PRKAG2: variants seen among roughly 807,000 people sequenced by gnomAD.
PRKAG2 encodes the protein protein kinase AMP-activated non-catalytic subunit gamma 2.
PRKAG2 carries 26 observed loss-of-function variants against 69.6 expected under a neutral mutation model. That is an observed-to-expected ratio of 0.37 (90% CI 0.27 to 0.52). PRKAG2 has a LOEUF of 0.52. PRKAG2 is among the 20% of genes least tolerant of loss of function. PRKAG2 has a pLI of 0.90. For missense variants in PRKAG2, 557 were observed against 740.0 expected (o/e 0.75, Z 2.87); for synonymous variants, 293 against 285.0 (o/e 1.03, Z -0.28).
intron 1 of PRKAG2, among the ~76,000 whole-genome samples, chr7:151,873,349 C>T (rs1032573800): frequency 2.0e-5 from 3 of 152,220 alleles, no homozygotes; most frequent in African/African-American, 7.2e-5. Context: ...ATCGCTCCTT[C>T]TGCCTCTAGA....
rs868517211 is a variant in PRKAG2, at chr7:151,855,127, C to G, written c.114+21380G>C. ...ACACACCACCCTACACACACACCAT[C>G]CTCCACACACACCACCCTACACACA... On this transcript the variant is annotated intron_variant, in intron 1 of 15. Transcript: ENST00000287878. 1.9e-3 allele frequency among the ~76,000 whole-genome samples: 86 copies of G among 46,042 alleles called. 11 individuals carry two copies. The highest frequency in any genetic ancestry group is 7.6e-3 in the African/African-American group (47 of 6,158). 30.2% of individuals were successfully genotyped at this position (46,042 alleles called of 152,430 possible).
intron 1 of PRKAG2, among the ~76,000 whole-genome samples, chr7:151,853,684 C>T (rs1191850348): frequency 2.0e-5 from 3 of 150,412 alleles, no homozygotes; most frequent in South Asian, 2.1e-4. Context: ...GGCGTGAACC[C>T]GGGAGGTGGA....
chr7:151,706,924 C>T (rs1425710356), intron 3 of PRKAG2, among the ~76,000 whole-genome samples: 2 of 152,246 alleles, frequency 1.3e-5, no homozygotes, highest in Non-Finnish European at 2.9e-5. Context: ...CCAGAGGCGT[C>T]TACCATGAGG....
intron 1 of PRKAG2, among the ~76,000 whole-genome samples, chr7:151,822,243 C>T (rs2078802212): frequency 6.6e-6 from 1 of 152,142 alleles, no homozygotes; most frequent in African/African-American, 2.4e-5. Flanking sequence ...TGCCACCGCC[C>T]TAGGAGGCCT....
At chr7:151,659,867 CTG>C (rs1307899592) in intron 4 of PRKAG2, among the ~76,000 whole-genome samples, 1 of 152,226 alleles carries the variant, frequency 6.6e-6, no homozygotes, top group Non-Finnish European at 1.5e-5. Flanking sequence ...TTCCCACTAG[CTG>C]TGTCTGAACA....
At chr7:151,649,199 C>A (rs1828058807) in intron 4 of PRKAG2, among the ~76,000 whole-genome samples, 1 of 152,070 alleles carries the variant, frequency 6.6e-6, no homozygotes. Context: ...GATCTTGGCT[C>A]ACTGCAACCT....
intron 3 of PRKAG2, among the ~76,000 whole-genome samples, chr7:151,700,321 G>T (rs2151564618): frequency 6.6e-6 from 1 of 152,250 alleles, no homozygotes; most frequent in East Asian, 1.9e-4. Flanking sequence ...TGGCTCCTTG[G>T]AGTATGGTCT....
chr7:151,567,785 A>T lies in PRKAG2; in HGVS notation c.1233+931T>A, dbSNP rs1349878971. On this transcript the variant is annotated intron_variant, in intron 11 of 15. Transcript: ENST00000287878. This position sits in a 1 kb window ranked among gnomAD's most constrained non-coding sequence, Gnocchi z 4.2. ...GTTGATTGACAAGGTATTTCTCTCC[A>T]TCACTAAGCCCTCTGTGCTTCTGTC... Among the ~76,000 whole-genome samples the T allele has an allele frequency of 1.3e-5, 2 of 152,176 alleles. No homozygotes were observed. Among genetic ancestry groups the T allele is most frequent in the Non-Finnish European group, 2.9e-5 (2 of 68,032 alleles).
intron 5 of PRKAG2, 129 bp downstream of exon 5, chr7:151,631,940 T>C (rs1403997588): frequency 1.0e-6 from 1 of 976,664 alleles, no homozygotes; most frequent in Non-Finnish European, 1.3e-6. Flanking sequence ...CCCCGGCCCC[T>C]GGGCTTCCGC....
At position 151,573,257 on chromosome 7, in the gene PRKAG2, A is replaced by C. The variant is rs140199354; in HGVS notation, c.1006-548T>G. Among the ~76,000 whole-genome samples the C allele has an allele frequency of 4.7e-3, 707 of 151,226 alleles. 3 individuals are homozygous for C. Among genetic ancestry groups the C allele is most frequent in the Middle Eastern group, 0.024 (7 of 292 alleles). On this transcript the variant is annotated intron_variant, in intron 8 of 15. Transcript: ENST00000287878. ...ACTGCAGCCTCAACCTCCCAGGCTT[A>C]AGTAATCCTCTCAACTCAGCCTCTG...
At chr7:151,782,380 AGAAGGAAGGAAGGAAG>A (rs878861161) in intron 2 of PRKAG2, among the ~76,000 whole-genome samples, 2 of 61,736 alleles carry the variant, frequency 3.2e-5, no homozygotes, top group African/African-American at 6.9e-5. Flanking sequence ...AGGGAAGGAA[AGAAGGAAGGAAGGAAG>A]GAAGGAAGGA....
intron 1 of PRKAG2, among the ~76,000 whole-genome samples, chr7:151,826,338 G>A (rs1486465479): frequency 1.3e-5 from 2 of 152,024 alleles, no homozygotes; most frequent in South Asian, 2.1e-4. Flanking sequence ...CGACCACCAC[G>A]CCTGGCTAAT....
chr7:151,675,668 G>A (rs762730899), intron 3 of PRKAG2, 31 bp from the exon 4 acceptor site: 1 of 1,581,838 alleles, frequency 6.3e-7, no homozygotes, highest in Non-Finnish European at 8.7e-7. Flanking sequence ...ACGGTCAGAG[G>A]TCCGGCTTCC....
rs569778767 is a variant in PRKAG2 at position 151,728,740 on chromosome 7, C to T, written c.466+52412G>A. The stretch of plus-strand genomic sequence containing the variant: ...CAGAGGGCGGCTGCTCCCAGAGCCA[C>T]GCCACTGTCACGACAGCTCACCTCT... On this transcript the variant is annotated intron_variant, in intron 3 of 15. Transcript: ENST00000287878. Among the ~76,000 whole-genome samples, 16 of 152,272 alleles carry T rather than the reference C, an allele frequency of 1.1e-4. No individual in the cohort carries two copies. In the South Asian group the frequency reaches 1.7e-3, roughly 16 times the overall value.
chr7:151,865,269 A>G (rs1220904899), intron 1 of PRKAG2, among the ~76,000 whole-genome samples: 1 of 152,236 alleles, frequency 6.6e-6, no homozygotes. Context: ...CTCGGCTGGC[A>G]TGGAGCCGAC....
chr7:151,655,624 T>C (rs2151413267), intron 4 of PRKAG2, among the ~76,000 whole-genome samples: 1 of 152,286 alleles, frequency 6.6e-6, no homozygotes, highest in South Asian at 2.1e-4. Context: ...AGGTCCCTTG[T>C]TCAAAAATTG....
intron 6 of PRKAG2, among the ~76,000 whole-genome samples, chr7:151,593,313 G>A (rs540146938): frequency 1.1e-4 from 17 of 152,224 alleles, no homozygotes; most frequent in African/African-American, 1.7e-4. Context: ...TCAGCCTCCC[G>A]AGTAGCTGGG....
At chr7:151,728,637 C>T (rs934944781) in intron 3 of PRKAG2, among the ~76,000 whole-genome samples, 9 of 152,214 alleles carry the variant, frequency 5.9e-5, no homozygotes, top group Non-Finnish European at 1.3e-4. Context: ...TCCCTTTCGT[C>T]TTCGGACACT....
At chr7:151,654,885 GT>G (rs1177494977) in intron 4 of PRKAG2, among the ~76,000 whole-genome samples, 1 of 152,150 alleles carries the variant, frequency 6.6e-6, no homozygotes, top group Admixed American at 6.5e-5. Context: ...TAGCAACGGG[GT>G]TTTGCCATGT....
Sources: gnomAD v4.1 joint callset for allele counts (sites outside exome capture counted in the v4.1 genomes callset) on GRCh38, gnomAD v4.1.1 for gene constraint, Gnocchi (gnomAD v3.1) non-coding constraint, MANE v1.5 for transcripts, NCBI Gene and HGNC (gene_info 2026-07-23, HGNC 2026-07-21) for gene names.